Variants in SMARCA4 observed in about 807,000 individuals in gnomAD.
SMARCA4 encodes the protein SWI/SNF-related matrix-associated actin-dependent regulator of chromatin subfamily A member 4.
A neutral mutation model predicts 193.9 loss-of-function variants in SMARCA4; 31 were observed. The ratio of observed to expected loss-of-function variants is 0.16; its 90% CI spans 0.12 to 0.22. The LOEUF (loss-of-function observed/expected upper bound fraction) is 0.22, where lower values mean the gene tolerates loss of function less well. Ranked by LOEUF, SMARCA4 falls within the 10% of genes least tolerant of loss-of-function variation. The pLI is 1.00. For synonymous variants in SMARCA4, 942 were observed against 933.1 expected (o/e 1.01, Z -0.17); for missense variants, 1,148 against 2,296.0 (o/e 0.50, Z 10.22).
At chr19:10,975,593 G>C (rs935114951) in intron 1 of SMARCA4, among the ~76,000 whole-genome samples, 1 of 151,926 alleles carries the variant, frequency 6.6e-6, no homozygotes, top group Non-Finnish European at 1.5e-5. Context: ...GTAGGCGTGA[G>C]CCACCACGCC....
chr19:10,986,523 C>G lies in SMARCA4; in HGVS notation c.690C>G (p.Pro230=), dbSNP rs372941839. ...CACCCTCGGTGTCCGCAACAGGACC[C>G]GGCCCTGGCCCTGGCCCTGGCCCCG... is the stretch of plus-strand genomic sequence containing the variant. ...LPPPSVSATG[P]GPGPGPGPGP... The change falls in exon 4 of 35, where the codon CCC becomes CCG. Residue 230 remains proline (P), a synonymous_variant. Coordinates refer to ENST00000344626, the MANE Select transcript of SMARCA4 (RefSeq NM_003072.5). The surrounding 1 kb of genome is among the most constrained non-coding windows in gnomAD (Gnocchi z 6.7). The G allele has an allele frequency of 5.8e-6, 9 of 1,543,408 alleles. No individual in the cohort carries two copies. Among genetic ancestry groups the G allele is most frequent in the East Asian group, 2.4e-5 (1 of 40,916 alleles).
In SMARCA4 at chr19:11,058,656, G is replaced by C; in HGVS notation, c.4534-132G>C. The C allele has an allele frequency of 1.3e-6, 1 of 781,320 alleles. No individual in the cohort carries two copies. Among genetic ancestry groups the C allele is most frequent in the South Asian group, 1.4e-5 (1 of 69,302 alleles). The allele number at this position is 781,320 out of a possible 1,614,324, so 48.4% of individuals were successfully genotyped here. On this transcript the variant is annotated intron_variant, in intron 31 of 34. Transcript: ENST00000344626. This position sits in a 1 kb window ranked among gnomAD's most constrained non-coding sequence, Gnocchi z 5.8. ...CCCATGCCTAGTGAGCCAGGTTACC[G>C]AGGCTGGCGCTTCGGCCACATCCTC... is the stretch of plus-strand genomic sequence containing the variant.
At chr19:11,026,512 T>TG (rs1407241044) in intron 23 of SMARCA4, among the ~76,000 whole-genome samples, 166 bp downstream of exon 23, 2 of 151,486 alleles carry the variant, frequency 1.3e-5, no homozygotes, top group Non-Finnish European at 2.9e-5. Flanking sequence ...TTTTTTTTTT[T>TG]TTTTGAGGTG....
chr19:11,020,352 T>A (rs1313895179), intron 18 of SMARCA4, among the ~76,000 whole-genome samples: 1 of 152,062 alleles, frequency 6.6e-6, no homozygotes, highest in Non-Finnish European at 1.5e-5. Context: ...AAGATGTACC[T>A]GGTCTCACCC....
chr19:10,991,603 A>C (rs2086569187), intron 8 of SMARCA4, among the ~76,000 whole-genome samples: 1 of 152,214 alleles, frequency 6.6e-6, no homozygotes, highest in Non-Finnish European at 1.5e-5. Context: ...GCTGTTGTAG[A>C]ACTGATGTTG....
At chr19:10,963,794 C>G (rs1411164371) in intron 1 of SMARCA4, among the ~76,000 whole-genome samples, 1 of 148,338 alleles carries the variant, frequency 6.7e-6, no homozygotes, top group Non-Finnish European at 1.5e-5. Flanking sequence ...GAGACGGAGT[C>G]TCGCTCTGTC....
intron 30 of SMARCA4, among the ~76,000 whole-genome samples, chr19:11,055,707 T>C (rs1435245431): frequency 1.3e-5 from 2 of 152,168 alleles, no homozygotes; most frequent in South Asian, 4.1e-4. Flanking sequence ...GCCAAGAGTC[T>C]GCACTGTTTG....
In SMARCA4 at chr19:11,031,070, C is replaced by T. The variant is rs560405512; in HGVS notation, c.3546+177C>T. 98 of 664,210 alleles carry T rather than the reference C, an allele frequency of 1.5e-4. No homozygotes were observed. In the South Asian group the frequency reaches 1.5e-3, roughly 10 times the overall value. 41.1% of individuals were successfully genotyped at this position (664,210 alleles called of 1,614,324 possible). A position where few individuals can be genotyped will look rare whatever the true frequency, so the allele number is the denominator to read the frequency against. ...CATCAGGGAGAAAAGAGGCGGGGTC[C>T]TCCTGTTTCCCAAAATACAAACAGC... On this transcript the variant is annotated intron_variant, in intron 25 of 34. Coordinates refer to ENST00000344626, the MANE Select transcript of SMARCA4 (RefSeq NM_003072.5). The surrounding 1 kb of genome is among the most constrained non-coding windows in gnomAD (Gnocchi z 4.3).
rs2086167737 is a variant in SMARCA4, at chr19:10,987,602, C to T, written c.860-64C>T. On this transcript the variant is annotated intron_variant, in intron 5 of 34. Coordinates refer to ENST00000344626, the MANE Select transcript of SMARCA4 (RefSeq NM_003072.5). The surrounding 1 kb of genome is among the most constrained non-coding windows in gnomAD (Gnocchi z 5.3). ...TGCCTCAAGCAGCTCAGCAGCTTTC[C>T]ATTTCCAGCCCGGGATGGGCCCCAG... 1 of 1,597,290 alleles carries T rather than the reference C, an allele frequency of 6.3e-7. No individual in the cohort carries two copies. The highest frequency in any genetic ancestry group is 2.2e-5 in the East Asian group (1 of 44,762).
intron 30 of SMARCA4, among the ~76,000 whole-genome samples, chr19:11,042,489 GTAC>G (rs1163369458): frequency 1.3e-5 from 2 of 152,224 alleles, no homozygotes; most frequent in Admixed American, 6.5e-5. Context: ...ACACTGGCCA[GTAC>G]GGCTGTCCCC....
rs2076667958 is a variant in SMARCA4 at position 11,058,392 on chromosome 19, C to T, written c.4533+29C>T. The T allele has an allele frequency of 6.7e-7, 1 of 1,490,100 alleles. No individual in the cohort carries two copies. Among genetic ancestry groups the T allele is most frequent in the Non-Finnish European group, 9.4e-7 (1 of 1,068,606 alleles). 92.3% of individuals were successfully genotyped at this position (1,490,100 alleles called of 1,614,324 possible). On this transcript the variant is annotated intron_variant, in intron 31 of 34. Transcript: ENST00000344626. The surrounding 1 kb of genome is among the most constrained non-coding windows in gnomAD (Gnocchi z 5.8). Reference sequence around the variant, plus strand: ...ACCCTGACGTTGTACCTGCGCCCCGCATGTGCCCGGAGGGGAGTCTGACCC... The same window carrying T: ...ACCCTGACGTTGTACCTGCGCCCCGTATGTGCCCGGAGGGGAGTCTGACCC...
At chr19:11,055,285 G>T (rs1196074151) in intron 30 of SMARCA4, among the ~76,000 whole-genome samples, 1 of 152,166 alleles carries the variant, frequency 6.6e-6, no homozygotes, top group Non-Finnish European at 1.5e-5. Context: ...TGCCACCCAG[G>T]TTCAGGTGAT....
At chr19:10,974,680 TATATATATA>T (rs1380517649) in intron 1 of SMARCA4, among the ~76,000 whole-genome samples, 2 of 53,326 alleles carry the variant, frequency 3.8e-5, no homozygotes, top group African/African-American at 1.4e-4. Flanking sequence ...TATATATATA[TATATATATA>T]TTTTTTTTTT....
intron 14 of SMARCA4, among the ~76,000 whole-genome samples, chr19:11,008,741 A>G (rs537893601): frequency 2.0e-5 from 3 of 152,250 alleles, no homozygotes; most frequent in East Asian, 1.9e-4. Context: ...TGGGAGGCCA[A>G]GGCAGGTGGA....
chr19:11,002,749 G>A lies in SMARCA4; in HGVS notation c.1813-280G>A, dbSNP rs113456854. 3.9e-3 allele frequency among the ~76,000 whole-genome samples: 553 copies of A among 142,656 alleles called. 8 individuals are homozygous for A. The highest frequency in any genetic ancestry group is 0.013 in the African/African-American group (514 of 38,202). The allele number at this position is 142,656 out of a possible 152,430, so 93.6% of individuals were successfully genotyped here. A position where few individuals can be genotyped will look rare whatever the true frequency, so the allele number is the denominator to read the frequency against. On this transcript the variant is annotated intron_variant, in intron 11 of 34. Transcript: ENST00000344626. ...CAGAGGTTGTAGTGAGCCGAGAGCCGAGATCACGCCACTGCACTCTAGCCT... is the reference window on the plus strand; with the variant it reads ...CAGAGGTTGTAGTGAGCCGAGAGCCAAGATCACGCCACTGCACTCTAGCCT...
Position 11,013,062 on chromosome 19 carries a change from C to T in SMARCA4, c.2388C>T (p.Leu796=), listed in dbSNP as rs28997580. 9.6e-3 allele frequency: 15,571 copies of T among 1,614,174 alleles called. 186 individuals are homozygous for T. Among genetic ancestry groups the T allele is most frequent in the South Asian group, 0.046 (4,161 of 91,090 alleles). Reference sequence around the variant, plus strand: ...AGACCATCGCGCTCATCACGTACCTCATGGAGCACAAACGCATCAATGGGC... The same window carrying T: ...AGACCATCGCGCTCATCACGTACCTTATGGAGCACAAACGCATCAATGGGC... ...TIQTIALITY[L]MEHKRINGPF... is the part of the protein sequence containing the mutation. Residue 796 remains leucine (L), a synonymous_variant, in exon 16 of 35, where the codon CTC becomes CTT. Transcript: ENST00000344626.
At chr19:11,053,438 T>G (rs2076371676) in intron 30 of SMARCA4, among the ~76,000 whole-genome samples, 1 of 126,790 alleles carries the variant, frequency 7.9e-6, no homozygotes, top group Non-Finnish European at 1.6e-5. Context: ...GGTGACAGAG[T>G]GAGACTCCGT....
intron 16 of SMARCA4, among the ~76,000 whole-genome samples, chr19:11,016,407 G>A (rs1254325455): frequency 6.6e-6 from 1 of 152,158 alleles, no homozygotes; most frequent in Admixed American, 6.5e-5. Context: ...GATAAGTCTT[G>A]CCTGAAAAAA....
intron 30 of SMARCA4, among the ~76,000 whole-genome samples, chr19:11,050,238 G>A (rs1278838841): frequency 6.6e-6 from 1 of 152,242 alleles, no homozygotes; most frequent in Non-Finnish European, 1.5e-5. Context: ...AGACGGTGAC[G>A]GGTCCAGGCT....
Sources: gnomAD v4.1 joint callset for allele counts (sites outside exome capture counted in the v4.1 genomes callset) on GRCh38, gnomAD v4.1.1 for gene constraint, Gnocchi (gnomAD v3.1) non-coding constraint, MANE v1.5 for transcripts, NCBI Gene and HGNC (gene_info 2026-07-23, HGNC 2026-07-21) for gene names.